MALRD1: variants seen among roughly 807,000 people sequenced by gnomAD.
MALRD1 encodes the protein MAM and LDL-receptor class A domain-containing protein 1.
A neutral mutation model predicts 242.1 loss-of-function variants in MALRD1; 247 were observed. The ratio of observed to expected loss-of-function variants is 1.02; its 90% CI spans 0.92 to 1.13. The LOEUF (loss-of-function observed/expected upper bound fraction) is 1.13. Ranked by LOEUF, MALRD1 falls within the 50% of genes most tolerant of loss-of-function variation. The probability of loss-of-function intolerance (pLI) is 0.00; values close to 1 mark genes in which losing one functional copy is unlikely to be tolerated. For missense variants in MALRD1, 2,989 were observed against 2,533.1 expected (o/e 1.18, Z -3.86); for synonymous variants, 995 against 866.6 (o/e 1.15, Z -2.60).
intron 26 of MALRD1, among the ~76,000 whole-genome samples, chr10:19,380,993 T>C (rs1271615176): frequency 6.6e-6 from 1 of 151,070 alleles, no homozygotes; most frequent in Non-Finnish European, 1.5e-5. Context: ...TGTGCCATGC[T>C]GGTGGGCTGC....
chr10:19,446,926 A>G (rs951740760), intron 28 of MALRD1, among the ~76,000 whole-genome samples: 1 of 152,130 alleles, frequency 6.6e-6, no homozygotes, highest in Admixed American at 6.6e-5. Flanking sequence ...CACTTTCACA[A>G]TTTAGAATGA....
rs189835567 is a variant in MALRD1 at position 19,723,118 on chromosome 10, C to T, written c.6315-7588C>T. Among the ~76,000 whole-genome samples the T allele has an allele frequency of 1.9e-4, 29 of 152,158 alleles. 1 individual carries two copies. In the East Asian group the frequency reaches 5.0e-3, roughly 26 times the overall value. ...CACTTAACTCATGATGACTGTTTCT[C>T]GGATTTTAGGATATTGTCTGACATC... is the stretch of plus-strand genomic sequence containing the variant. On this transcript the variant is annotated intron_variant, in intron 38 of 39. Transcript: ENST00000454679.
intron 29 of MALRD1, among the ~76,000 whole-genome samples, chr10:19,482,446 G>T (rs547881733): frequency 3.7e-4 from 57 of 152,052 alleles, no homozygotes; most frequent in African/African-American, 1.3e-3. Flanking sequence ...GGAAGAGAAA[G>T]AAATAAAAGG....
chr10:19,271,347 C>T (rs1051842246), intron 19 of MALRD1, among the ~76,000 whole-genome samples: 3 of 152,174 alleles, frequency 2.0e-5, no homozygotes, highest in Non-Finnish European at 2.9e-5. Flanking sequence ...AATCTCTAAT[C>T]GTTATAATCT....
At chr10:19,647,390 G>A (rs969342807) in intron 36 of MALRD1, among the ~76,000 whole-genome samples, 3 of 152,182 alleles carry the variant, frequency 2.0e-5, no homozygotes, top group South Asian at 4.1e-4. Flanking sequence ...AGCTTACCAC[G>A]CCCAGTCTCC....
chr10:19,601,091 A>G (rs2131576457), intron 34 of MALRD1, among the ~76,000 whole-genome samples: 1 of 152,136 alleles, frequency 6.6e-6, no homozygotes, highest in Admixed American at 6.6e-5. Context: ...TAGGTGGCTC[A>G]GGCTGGTTTC....
At chr10:19,665,443 C>G (rs1318752899) in intron 36 of MALRD1, among the ~76,000 whole-genome samples, 1 of 152,036 alleles carries the variant, frequency 6.6e-6, no homozygotes, top group Admixed American at 6.6e-5. Flanking sequence ...AGGGGTAGGA[C>G]CTTCCTAAGG....
intron 31 of MALRD1, among the ~76,000 whole-genome samples, chr10:19,518,664 A>AT (rs201258931): frequency 8.7e-4 from 130 of 148,614 alleles, no homozygotes; most frequent in Middle Eastern, 3.6e-3. Context: ...TGGTGTGAAC[A>AT]TTTTTTTTTT....
At chr10:19,477,889 T>A (rs1051084893) in intron 29 of MALRD1, among the ~76,000 whole-genome samples, 43 of 152,196 alleles carry the variant, frequency 2.8e-4, no homozygotes, top group Non-Finnish European at 1.0e-4. Flanking sequence ...TGTTCATTAT[T>A]GTACACATGG....
At chr10:19,706,717 C>T (rs945805608) in intron 38 of MALRD1, among the ~76,000 whole-genome samples, 5 of 151,996 alleles carry the variant, frequency 3.3e-5, no homozygotes, top group African/African-American at 1.2e-4. Flanking sequence ...CCACCCTCCA[C>T]CCATTGTCCA....
chr10:19,695,891 A>G (rs1225197317), intron 38 of MALRD1, among the ~76,000 whole-genome samples: 1 of 152,044 alleles, frequency 6.6e-6, no homozygotes, highest in Non-Finnish European at 1.5e-5. Flanking sequence ...TTATAAAACC[A>G]TTGGATCTTG....
intron 19 of MALRD1, among the ~76,000 whole-genome samples, chr10:19,274,612 T>C (rs1453462240): frequency 2.0e-5 from 3 of 152,112 alleles, no homozygotes; most frequent in Non-Finnish European, 4.4e-5. Flanking sequence ...AGAACTAAGA[T>C]AAATAAATGG....
At chr10:19,665,599 C>T (rs557481987) in intron 36 of MALRD1, among the ~76,000 whole-genome samples, 17 of 152,192 alleles carry the variant, frequency 1.1e-4, no homozygotes, top group Middle Eastern at 3.4e-3. Flanking sequence ...ACCTTCCTCC[C>T]CCAAGACATC....
chr10:19,610,428 T>A (rs1457148491), intron 35 of MALRD1, among the ~76,000 whole-genome samples: 1 of 151,968 alleles, frequency 6.6e-6, no homozygotes, highest in Non-Finnish European at 1.5e-5. Context: ...TTCTATGATA[T>A]CAACTTTTGA....
At chr10:19,728,579 TCCTGTCTAGC>T (rs961623839) in intron 38 of MALRD1, 1 of 152,218 alleles carries the variant, frequency 6.6e-6, no homozygotes, top group African/African-American at 2.4e-5. Flanking sequence ...TGACCATCTG[TCCTGTCTAGC>T]CCTGTGGTTT....
intron 13 of MALRD1, among the ~76,000 whole-genome samples, chr10:19,173,952 C>G (rs1460874186): frequency 1.3e-5 from 2 of 151,938 alleles, no homozygotes; most frequent in African/African-American, 2.4e-5. Flanking sequence ...AGCCCTATAA[C>G]AAAAGAGAGG....
intron 33 of MALRD1, among the ~76,000 whole-genome samples, chr10:19,574,374 T>A (rs1836701186): frequency 2.0e-5 from 3 of 152,186 alleles, no homozygotes; most frequent in Admixed American, 6.5e-5. Context: ...GAAGAGATGA[T>A]TAAGTAAAAG....
intron 33 of MALRD1, among the ~76,000 whole-genome samples, chr10:19,593,811 G>A (rs1837938260): frequency 6.6e-6 from 1 of 152,124 alleles, no homozygotes; most frequent in South Asian, 2.1e-4. Context: ...TTGAGTCTTT[G>A]GATATTTAAA....
chr10:19,729,261 T>C (rs567899145), intron 38 of MALRD1, among the ~76,000 whole-genome samples: 29 of 152,354 alleles, frequency 1.9e-4, no homozygotes, highest in African/African-American at 7.0e-4. Flanking sequence ...TAGGCAGTTA[T>C]GCCTATGGCA....
Sources: allele counts gnomAD v4.1 joint callset (sites outside exome capture counted in the v4.1 genomes callset), GRCh38; gene constraint gnomAD v4.1.1; transcripts MANE v1.5; gene names NCBI Gene and HGNC (gene_info 2026-07-23, HGNC 2026-07-21).